The following CHL1 variants were observed in gnomAD, a reference collection of about 807,000 sequenced individuals.
CHL1 encodes the protein cell adhesion molecule L1 like.
CHL1 carries 96 observed loss-of-function variants against 141.9 expected under a neutral mutation model. The observed-to-expected ratio is 0.68, with a 90% CI of 0.57 to 0.80. The LOEUF (loss-of-function observed/expected upper bound fraction) is 0.80. Among genes scored for constraint, CHL1 ranks in the 30% least tolerant of loss-of-function variants. The pLI is 0.00. For missense variants in CHL1, 1,820 were observed against 1,457.2 expected, an observed-to-expected ratio of 1.25 and a Z score of -4.05; for synonymous variants, 613 against 502.2, an observed-to-expected ratio of 1.22 and a Z score of -2.95.
intron 5 of CHL1, among the ~76,000 whole-genome samples, chr3:338,057 G>C (rs1005884454): frequency 6.6e-6 from 1 of 152,070 alleles, no homozygotes; most frequent in African/African-American, 2.4e-5. Context: ...GTAGAGACGG[G>C]GTTTCACCAT....
chr3:388,472 G>T (rs976948710), intron 19 of CHL1, among the ~76,000 whole-genome samples: 1 of 150,398 alleles, frequency 6.6e-6, no homozygotes, highest in African/African-American at 2.5e-5. Flanking sequence ...GCTTGCACCC[G>T]GGAGATGGAG....
At chr3:350,932 G>T (rs1244282689) in intron 10 of CHL1, among the ~76,000 whole-genome samples, 3 of 152,118 alleles carry the variant, frequency 2.0e-5, no homozygotes, top group Non-Finnish European at 4.4e-5. Flanking sequence ...GTCATCATTT[G>T]ATGTTTCTAT....
At chr3:324,523 A>C (rs1341157033) in intron 3 of CHL1, among the ~76,000 whole-genome samples, 1 of 152,248 alleles carries the variant, frequency 6.6e-6, no homozygotes, top group Non-Finnish European at 1.5e-5. Flanking sequence ...TATTTCCAGC[A>C]TTAGTAAATT....
At chr3:357,961 C>G (rs954439401) in intron 11 of CHL1, among the ~76,000 whole-genome samples, 1 of 152,076 alleles carries the variant, frequency 6.6e-6, no homozygotes, top group Non-Finnish European at 1.5e-5. Flanking sequence ...TTGCAGCATT[C>G]CTAAAGAGTT....
chr3:355,005 G>A (rs1703592068), intron 11 of CHL1, among the ~76,000 whole-genome samples: 1 of 152,024 alleles, frequency 6.6e-6, no homozygotes, highest in South Asian at 2.1e-4. Context: ...TTATATATAA[G>A]AATAAAGATT....
At chr3:378,549 G>A (rs1369168285) in intron 16 of CHL1, among the ~76,000 whole-genome samples, 1 of 152,142 alleles carries the variant, frequency 6.6e-6, no homozygotes, top group African/African-American at 2.4e-5. Context: ...ACCATCTGCT[G>A]GATGTTTTCC....
intron 24 of CHL1, among the ~76,000 whole-genome samples, chr3:398,019 ATGC>A: frequency 6.6e-6 from 1 of 152,312 alleles, no homozygotes; most frequent in Non-Finnish European, 1.5e-5. Flanking sequence ...TTAAATGGCC[ATGC>A]ATTGAGTTCA....
chr3:319,772 G>A lies in CHL1; in HGVS notation c.-5G>A. On this transcript the variant is annotated 5_prime_UTR_variant, in exon 3 of 28. Coordinates refer to ENST00000256509, the MANE Select transcript of CHL1 (RefSeq NM_006614.4). ...CTTACCGGGTTGTCTTCTTCCTGAA[G>A]AGCAATGGAGCCGCTTTTACTTGGA... is the stretch of plus-strand genomic sequence containing the variant. 1 of 1,593,368 alleles carries A rather than the reference G, an allele frequency of 6.3e-7. No homozygotes were observed. The highest frequency in any genetic ancestry group is 8.6e-7 in the Non-Finnish European group (1 of 1,163,856).
At chr3:375,669 A>G (rs1383286483) in intron 15 of CHL1, among the ~76,000 whole-genome samples, 3 of 151,684 alleles carry the variant, frequency 2.0e-5, no homozygotes, top group Non-Finnish European at 2.9e-5. Flanking sequence ...TATTAGTAAC[A>G]CTCTCTGAGC....
intron 2 of CHL1, among the ~76,000 whole-genome samples, chr3:312,023 T>A (rs1218375821): frequency 1.3e-5 from 2 of 152,224 alleles, no homozygotes; most frequent in Non-Finnish European, 2.9e-5. Flanking sequence ...ATCTTACATG[T>A]ATAGGTGGGA....
At chr3:256,733 C>T (rs1166285950) in intron 2 of CHL1, among the ~76,000 whole-genome samples, 1 of 152,116 alleles carries the variant, frequency 6.6e-6, no homozygotes, top group African/African-American at 2.4e-5. Flanking sequence ...AATTTGGGAA[C>T]GAGGGGAGGA....
intron 9 of CHL1, among the ~76,000 whole-genome samples, chr3:347,983 T>A (rs1374277673): frequency 3.9e-5 from 6 of 152,186 alleles, no homozygotes; most frequent in Non-Finnish European, 8.8e-5. Context: ...TTTGCATAAA[T>A]AACTGAATTA....
chr3:214,973 C>G (rs914766256), intron 1 of CHL1, among the ~76,000 whole-genome samples: 1 of 151,988 alleles, frequency 6.6e-6, no homozygotes, highest in African/African-American at 2.4e-5. Context: ...CACACACACA[C>G]ACACACACAC....
At chr3:324,345 C>T (rs889729518) in intron 3 of CHL1, among the ~76,000 whole-genome samples, 2 of 151,964 alleles carry the variant, frequency 1.3e-5, no homozygotes, top group Non-Finnish European at 2.9e-5. Context: ...GTCCCTGCTG[C>T]GAAACAGTTT....
chr3:334,304 T>C (rs1701692409), intron 5 of CHL1, among the ~76,000 whole-genome samples: 1 of 152,192 alleles, frequency 6.6e-6, no homozygotes, highest in African/African-American at 2.4e-5. Context: ...CCTGAATAGC[T>C]GGGATTATTG....
At chr3:345,146 A>G (rs1310866450) in intron 9 of CHL1, among the ~76,000 whole-genome samples, 1 of 152,162 alleles carries the variant, frequency 6.6e-6, no homozygotes, top group African/African-American at 2.4e-5. Flanking sequence ...GATATTGTGG[A>G]TGGAGGGGAT....
intron 2 of CHL1, chr3:247,353 C>T (rs1162156074): frequency 6.6e-6 from 1 of 152,046 alleles, no homozygotes; most frequent in Non-Finnish European, 1.5e-5. Flanking sequence ...CTGTCTCCTT[C>T]TATCTCCGTT....
Position 340,922 on chromosome 3 carries a change from T to A in CHL1, c.508+6T>A, listed in dbSNP as rs1407788835. On this transcript the variant is annotated splice_donor_region_variant and intron_variant, in intron 6 of 27. Transcript: ENST00000256509. Reference sequence around the variant, plus strand: ...CATTTATTGGATGAATATTGGTAAGTAATGCTCCGTTCCATCAAAAAAGGG... The same window carrying A: ...CATTTATTGGATGAATATTGGTAAGAAATGCTCCGTTCCATCAAAAAAGGG... 6.2e-7 allele frequency: 1 copy of A among 1,611,224 alleles called. No homozygotes were observed. Among genetic ancestry groups the A allele is most frequent in the Admixed American group, 1.7e-5 (1 of 59,728 alleles).
At chr3:376,353 C>T in intron 15 of CHL1, 1 of 509,984 alleles carries the variant, frequency 2.0e-6, no homozygotes, top group South Asian at 1.4e-5. Context: ...ATGCAATGGC[C>T]CTTGCCCCAT....
Sources: gnomAD v4.1 joint callset for allele counts (sites outside exome capture counted in the v4.1 genomes callset) on GRCh38, gnomAD v4.1.1 for gene constraint, MANE v1.5 for transcripts, NCBI Gene and HGNC (gene_info 2026-07-23, HGNC 2026-07-21) for gene names.